Variants in UBL3 observed in about 807,000 individuals in gnomAD.
UBL3 encodes ubiquitin like 3.
In UBL3, 6 loss-of-function variants were observed where a neutral mutation model predicts 18.4. The observed-to-expected ratio is 0.33, with a 90% CI of 0.18 to 0.64. The LOEUF (loss-of-function observed/expected upper bound fraction) is 0.64. Ranked by LOEUF, UBL3 falls within the 30% of genes least tolerant of loss-of-function variation. The probability of loss-of-function intolerance (pLI) is 0.76; values close to 1 mark genes in which losing one functional copy is unlikely to be tolerated. For synonymous variants in UBL3, 49 were observed against 46.6 expected, an observed-to-expected ratio of 1.05 and a Z score of -0.21; for missense variants, 109 against 142.9, an observed-to-expected ratio of 0.76 and a Z score of 1.21.
At chr13:29,815,384 T>C (rs533495068) in intron 1 of UBL3, among the ~76,000 whole-genome samples, 3 of 152,262 alleles carry the variant, frequency 2.0e-5, no homozygotes, top group South Asian at 2.1e-4. Context: ...GATAAATACA[T>C]ACTTTGGGAA....
chr13:29,775,357 T>G (rs937496274), intron 2 of UBL3, among the ~76,000 whole-genome samples: 31 of 152,200 alleles, frequency 2.0e-4, no homozygotes, highest in African/African-American at 7.2e-4. Context: ...CAACTAGAGA[T>G]CTACAAGAAT....
In UBL3 at chr13:29,835,149, T is replaced by TATATAA. The variant is rs1878919426; in HGVS notation, c.27+14362_27+14363insTTATAT. ...AAATATATATATATATATATATATA[T>TATATAA]ATATATATATATATATATATATATA... On this transcript the variant is annotated intron_variant, in intron 1 of 4. Transcript: ENST00000380680. 2.7e-4 allele frequency among the ~76,000 whole-genome samples: 5 copies of TATATAA among 18,604 alleles called. 1 individual carries two copies. The highest frequency in any genetic ancestry group is 5.0e-4 in the Non-Finnish European group (5 of 9,998). The allele number at this position is 18,604 out of a possible 152,430, so 12.2% of individuals were successfully genotyped here.
At chr13:29,777,690 T>C (rs1197663725) in intron 1 of UBL3, among the ~76,000 whole-genome samples, 1 of 152,190 alleles carries the variant, frequency 6.6e-6, no homozygotes, top group African/African-American at 2.4e-5. Flanking sequence ...TCTTAAAAAA[T>C]ATAATTAAAA....
At position 29,765,793 on chromosome 13, in the gene UBL3, TAAC is replaced by T. The variant is rs1271346648; in HGVS notation, c.*1459_*1461del. ...ATATAAAGCCTTTTCATCAAAGCAT[TAAC>T]AATGAATAAAATAACATGATTACAT... On this transcript the variant is annotated 3_prime_UTR_variant, in exon 5 of 5. Coordinates refer to ENST00000380680, the MANE Select transcript of UBL3 (RefSeq NM_007106.4). The T allele has an allele frequency of 4.6e-5, 7 of 152,674 alleles. No individual in the cohort carries two copies. The highest frequency in any genetic ancestry group is 7.2e-5 in the African/African-American group (3 of 41,568). 9.5% of individuals were successfully genotyped at this position (152,674 alleles called of 1,614,324 possible).
chr13:29,837,945 T>TAATAATAATAATAA (rs59372710), intron 1 of UBL3, among the ~76,000 whole-genome samples: 5 of 149,668 alleles, frequency 3.3e-5, no homozygotes, highest in African/African-American at 7.3e-5. Flanking sequence ...ATAATAATAA[T>TAATAATAATAATAA]TTTAGCTAAT....
rs1011835999 is a variant in UBL3, at chr13:29,846,504, T to C, written c.27+3008A>G. ...CCTTATGCTAAACACAAAAATTTAC[T>C]GGATGTTCAAAAATAAATTTTAAAT... On this transcript the variant is annotated intron_variant, in intron 1 of 4. Transcript: ENST00000380680. Among the ~76,000 whole-genome samples the C allele has an allele frequency of 7.9e-5, 12 of 152,236 alleles. No individual in the cohort carries two copies. The East Asian group carries it at 2.1e-3, about 27-fold the overall frequency.
chr13:29,776,218 T>C (rs1008866979), intron 2 of UBL3, among the ~76,000 whole-genome samples: 1 of 151,730 alleles, frequency 6.6e-6, no homozygotes, highest in Non-Finnish European at 1.5e-5. Context: ...GGTGTGTGTA[T>C]ATTCACTATT....
intron 1 of UBL3, among the ~76,000 whole-genome samples, chr13:29,817,807 A>G (rs527821210): frequency 6.6e-6 from 1 of 152,262 alleles, no homozygotes; most frequent in African/African-American, 2.4e-5. Flanking sequence ...CAGATGGGAG[A>G]GCAGGGAGCT....
At chr13:29,819,387 C>G (rs1475642075) in intron 1 of UBL3, among the ~76,000 whole-genome samples, 1 of 152,136 alleles carries the variant, frequency 6.6e-6, no homozygotes, top group Non-Finnish European at 1.5e-5. Flanking sequence ...TATCAGAAAT[C>G]CTGGGATAAA....
At chr13:29,789,921 C>G (rs954533227) in intron 1 of UBL3, among the ~76,000 whole-genome samples, 9 of 152,132 alleles carry the variant, frequency 5.9e-5, no homozygotes, top group Admixed American at 5.2e-4. Flanking sequence ...CATGAAAGAG[C>G]AGAATATACC....
intron 1 of UBL3, among the ~76,000 whole-genome samples, chr13:29,838,523 A>C (rs1879016612): frequency 6.6e-6 from 1 of 152,200 alleles, no homozygotes; most frequent in African/African-American, 2.4e-5. Flanking sequence ...AAGAGGGGTA[A>C]ATGGAATTAA....
intron 3 of UBL3, among the ~76,000 whole-genome samples, chr13:29,768,271 T>C (rs1876745269): frequency 6.6e-6 from 1 of 152,140 alleles, no homozygotes; most frequent in Non-Finnish European, 1.5e-5. Context: ...CAAGTCTTTA[T>C]AACATTTTTT....
intron 1 of UBL3, among the ~76,000 whole-genome samples, chr13:29,834,014 C>T (rs1878856289): frequency 6.6e-6 from 1 of 151,990 alleles, no homozygotes; most frequent in African/African-American, 2.4e-5. Flanking sequence ...GGTGAAACCC[C>T]GTCTGTACTA....
chr13:29,849,526 C>T lies in UBL3; in HGVS notation c.13G>A (p.Val5Ile). MSSN[V>I]PADMINLRLI... ...CCGTCACTTACCATATCCGCCGGGA[C>T]ATTACTGGACATCTTGCCGTTTGAT... The change falls in exon 1 of 5, where the codon GTC becomes ATC. Residue 5 changes from valine (V) to isoleucine (I), a missense_variant. Coordinates refer to ENST00000380680, the MANE Select transcript of UBL3 (RefSeq NM_007106.4). 1.2e-6 allele frequency: 2 copies of T among 1,614,010 alleles called. No individual in the cohort carries two copies. Among genetic ancestry groups the T allele is most frequent in the Non-Finnish European group, 1.7e-6 (2 of 1,180,028 alleles).
At chr13:29,849,104 C>T (rs1879302603) in intron 1 of UBL3, among the ~76,000 whole-genome samples, 1 of 152,232 alleles carries the variant, frequency 6.6e-6, no homozygotes, top group Admixed American at 6.5e-5. Flanking sequence ...ATGACGATCT[C>T]GTCTGTGTCA....
At chr13:29,826,001 T>C (rs1000907390) in intron 1 of UBL3, among the ~76,000 whole-genome samples, 6 of 152,230 alleles carry the variant, frequency 3.9e-5, no homozygotes, top group Non-Finnish European at 5.9e-5. Context: ...ATTATGTTTA[T>C]TGATTTGCAT....
chr13:29,833,692 C>A (rs1231729819), intron 1 of UBL3, among the ~76,000 whole-genome samples: 1 of 152,196 alleles, frequency 6.6e-6, no homozygotes, highest in Non-Finnish European at 1.5e-5. Flanking sequence ...GCACTCCCAA[C>A]CCCCTTTACT....
At chr13:29,799,219 C>A (rs1049328002) in intron 1 of UBL3, among the ~76,000 whole-genome samples, 1 of 152,150 alleles carries the variant, frequency 6.6e-6, no homozygotes, top group Non-Finnish European at 1.5e-5. Context: ...CTTCCCCCTG[C>A]CCCCGGCAAA....
At chr13:29,803,758 A>G (rs1298048385) in intron 1 of UBL3, among the ~76,000 whole-genome samples, 2 of 152,174 alleles carry the variant, frequency 1.3e-5, no homozygotes, top group African/African-American at 4.8e-5. Flanking sequence ...ACATATCTGC[A>G]CCCAACACAG....
Sources: allele counts gnomAD v4.1 joint callset (sites outside exome capture counted in the v4.1 genomes callset), GRCh38; gene constraint gnomAD v4.1.1; transcripts MANE v1.5; gene names NCBI Gene and HGNC (gene_info 2026-07-23, HGNC 2026-07-21).